The following TMEM181 variants were observed in gnomAD, a reference collection of about 807,000 sequenced individuals.
TMEM181 encodes G protein-coupled receptor 178.
A neutral mutation model predicts 71.9 loss-of-function variants in TMEM181; 39 were observed. That is an observed-to-expected ratio of 0.54 (90% CI 0.42 to 0.71). TMEM181 has a LOEUF of 0.71. TMEM181 is among the 30% of genes least tolerant of loss of function. The pLI is 0.00. For missense variants in TMEM181, 595 were observed against 583.0 expected (o/e 1.02, Z -0.21); for synonymous variants, 245 against 228.8 (o/e 1.07, Z -0.64).
chr6:158,626,773 C>CTAACTCACACCTCACTCATGCCT, intron 13 of TMEM181: 1 of 455,562 alleles, frequency 2.2e-6, no homozygotes, highest in Admixed American at 2.4e-5. Flanking sequence ...CACATAGAGG[C>CTAACTCACACCTCACTCATGCCT]TCACTCACAC....
chr6:158,540,714 T>C (rs530010072), intron 1 of TMEM181, among the ~76,000 whole-genome samples: 29 of 151,288 alleles, frequency 1.9e-4, no homozygotes, highest in African/African-American at 6.8e-4. Flanking sequence ...CCTGGGGGAA[T>C]TGGTAAGATC....
chr6:158,546,758 G>A (rs1781538271), intron 1 of TMEM181, among the ~76,000 whole-genome samples: 1 of 151,848 alleles, frequency 6.6e-6, no homozygotes, highest in Non-Finnish European at 1.5e-5. Flanking sequence ...AGGAGTTCGA[G>A]ACCAGCCTGG....
intron 6 of TMEM181, among the ~76,000 whole-genome samples, chr6:158,603,055 C>T (rs535098450): frequency 2.0e-5 from 3 of 152,278 alleles, no homozygotes; most frequent in African/African-American, 7.2e-5. Context: ...TACTTTTCCT[C>T]GTTTCTTGTG....
intron 1 of TMEM181, among the ~76,000 whole-genome samples, chr6:158,550,265 G>A (rs932993018): frequency 2.6e-5 from 4 of 151,640 alleles, no homozygotes; most frequent in South Asian, 2.1e-4. Context: ...GGCTGGTCTC[G>A]AACTCCTGAC....
intron 1 of TMEM181, among the ~76,000 whole-genome samples, chr6:158,553,671 C>G (rs770413240): frequency 5.9e-5 from 9 of 152,160 alleles, no homozygotes; most frequent in South Asian, 2.1e-4. Context: ...ACCCATGCAA[C>G]AGTATATTAA....
At chr6:158,571,914 T>G (rs1562627545) in intron 1 of TMEM181, among the ~76,000 whole-genome samples, 2 of 152,242 alleles carry the variant, frequency 1.3e-5, no homozygotes, top group African/African-American at 4.8e-5. Flanking sequence ...CTCCTGGGCC[T>G]CTGAGGATCT....
intron 15 of TMEM181, among the ~76,000 whole-genome samples, chr6:158,631,041 A>G (rs1406880405): frequency 6.6e-6 from 1 of 152,216 alleles, no homozygotes; most frequent in Non-Finnish European, 1.5e-5. Context: ...CCTTGTGTCA[A>G]CAGGAGGCAG....
intron 6 of TMEM181, among the ~76,000 whole-genome samples, chr6:158,591,401 C>A (rs1239777939): frequency 6.6e-6 from 1 of 152,136 alleles, no homozygotes; most frequent in Non-Finnish European, 1.5e-5. Flanking sequence ...GGAGCCACGT[C>A]ACTAGTGGTC....
chr6:158,609,025 G>A (rs1373206003), intron 10 of TMEM181, among the ~76,000 whole-genome samples: 1 of 151,632 alleles, frequency 6.6e-6, no homozygotes, highest in Middle Eastern at 3.2e-3. Flanking sequence ...TTGAGCCTGC[G>A]AGGCACAGGT....
intron 5 of TMEM181, 61 bp downstream of exon 5, chr6:158,585,486 A>G: frequency 7.2e-7 from 1 of 1,381,698 alleles, no homozygotes; most frequent in South Asian, 2.0e-5. Context: ...TTAATTACAG[A>G]GCCACTTTCC....
At position 158,560,132 on chromosome 6, in the gene TMEM181, G is replaced by A. The variant is rs943900785; in HGVS notation, c.-93G>A. 2 of 984,766 alleles carry A rather than the reference G, an allele frequency of 2.0e-6. No homozygotes were observed. The highest frequency in any genetic ancestry group is 5.2e-4 in the Middle Eastern group (1 of 1,934). The allele number at this position is 984,766 out of a possible 1,614,324, so 61.0% of individuals were successfully genotyped here. A position where few individuals can be genotyped will look rare whatever the true frequency, so the allele number is the denominator to read the frequency against. On this transcript the variant is annotated 5_prime_UTR_variant, in exon 1 of 17. Coordinates refer to ENST00000684151, the MANE Select transcript of TMEM181 (RefSeq NM_001376852.1). Reference sequence around the variant, plus strand: ...GCCGCTGCTCAGCCGCTGTCGCTCCGGCTCCGGCTGCGGCTGCCGCTGCCG... The same window carrying A: ...GCCGCTGCTCAGCCGCTGTCGCTCCAGCTCCGGCTGCGGCTGCCGCTGCCG...
chr6:158,556,584 G>A (rs1253670265), upstream of TMEM181, among the ~76,000 whole-genome samples: 3 of 152,184 alleles, frequency 2.0e-5, no homozygotes, highest in African/African-American at 7.2e-5. Flanking sequence ...TCACAAGGGG[G>A]ATGCCAGTCT....
chr6:158,585,619 C>T (rs142999141), intron 5 of TMEM181, among the ~76,000 whole-genome samples, 194 bp downstream of exon 5: 1 of 152,210 alleles, frequency 6.6e-6, no homozygotes, highest in Non-Finnish European at 1.5e-5. Context: ...CTTAAAAATT[C>T]TTATAAACGT....
chr6:158,555,523 GAGAT>G (rs1157344472), upstream of TMEM181, among the ~76,000 whole-genome samples: 7 of 150,702 alleles, frequency 4.6e-5, no homozygotes, highest in Middle Eastern at 3.2e-3. Context: ...GAAAAAAATA[GAGAT>G]AGAGAATTTA....
chr6:158,576,624 C>G (rs1251581593), intron 2 of TMEM181, among the ~76,000 whole-genome samples: 1 of 152,060 alleles, frequency 6.6e-6, no homozygotes, highest in Non-Finnish European at 1.5e-5. Context: ...TAAGTTTAAA[C>G]CTCAGGCTGA....
chr6:158,584,141 A>T, intron 4 of TMEM181, 97 bp downstream of exon 4: 1 of 1,004,400 alleles, frequency 1.0e-6, no homozygotes, highest in Non-Finnish European at 1.5e-6. Flanking sequence ...CAAGTGCTCA[A>T]AGATAGATGT....
At chr6:158,577,042 A>C (rs1783200245) in intron 2 of TMEM181, among the ~76,000 whole-genome samples, 2 of 148,054 alleles carry the variant, frequency 1.4e-5, no homozygotes, top group Admixed American at 1.4e-4. Flanking sequence ...AGCCTGGGCA[A>C]TAGAGCAAGA....
intron 1 of TMEM181, among the ~76,000 whole-genome samples, chr6:158,569,088 C>G (rs1782665490): frequency 6.6e-6 from 1 of 152,214 alleles, no homozygotes; most frequent in African/African-American, 2.4e-5. Context: ...CGATCCTCCC[C>G]CCTCAGCCTC....
At chr6:158,562,797 G>T (rs1366228177) in intron 1 of TMEM181, among the ~76,000 whole-genome samples, 1 of 152,186 alleles carries the variant, frequency 6.6e-6, no homozygotes, top group African/African-American at 2.4e-5. Context: ...ATAACTGTGA[G>T]TGTTCACCAT....
Sources: gnomAD v4.1 joint callset for allele counts (sites outside exome capture counted in the v4.1 genomes callset) on GRCh38, gnomAD v4.1.1 for gene constraint, MANE v1.5 for transcripts, NCBI Gene and HGNC (gene_info 2026-07-23, HGNC 2026-07-21) for gene names.